BANP: variants seen among roughly 807,000 people sequenced by gnomAD.
BANP encodes the protein BTG3 associated nuclear protein, also known as protein BANP.
Under a neutral mutation model 68.1 loss-of-function variants are expected in BANP, and 11 were observed. The observed-to-expected ratio is 0.16, with a 90% CI of 0.10 to 0.27. The LOEUF (loss-of-function observed/expected upper bound fraction) is 0.27. BANP is among the 10% of genes least tolerant of loss of function. The pLI is 1.00. For synonymous variants in BANP, 329 were observed against 303.2 expected (o/e 1.09, Z -0.88); for missense variants, 504 against 722.7 (o/e 0.70, Z 3.47).
chr16:88,037,701 G>A, intron 10 of BANP: 2 of 484,766 alleles, frequency 4.1e-6, no homozygotes, highest in Non-Finnish European at 7.4e-6. Flanking sequence ...AAAAAATGAA[G>A]TAAAAATGAC....
upstream of BANP, chr16:87,949,612 G>C (rs2056620284): frequency 6.6e-6 from 1 of 152,142 alleles, no homozygotes; most frequent in Non-Finnish European, 1.5e-5. Context: ...AAAAGGACAA[G>C]TCCCATCTTC....
chr16:88,008,795 G>A (rs1229874245), intron 6 of BANP, among the ~76,000 whole-genome samples: 1 of 152,190 alleles, frequency 6.6e-6, no homozygotes, highest in Admixed American at 6.5e-5. Flanking sequence ...GTACAACACA[G>A]GTTGTTAGGA....
At chr16:87,988,512 G>A (rs1402316888) in intron 4 of BANP, among the ~76,000 whole-genome samples, 4 of 151,872 alleles carry the variant, frequency 2.6e-5, no homozygotes, top group African/African-American at 4.8e-5. Flanking sequence ...TGATCCACCC[G>A]CCTCGGCCTC....
At chr16:88,010,413 G>A (rs1178641729) in intron 6 of BANP, among the ~76,000 whole-genome samples, 1 of 152,208 alleles carries the variant, frequency 6.6e-6, no homozygotes, top group Admixed American at 6.5e-5. Context: ...GACTTCCCAG[G>A]CAGTAGAATG....
intron 13 of BANP, among the ~76,000 whole-genome samples, chr16:88,075,510 TA>T (rs1319960825): frequency 6.6e-6 from 1 of 152,066 alleles, no homozygotes; most frequent in African/African-American, 2.4e-5. Flanking sequence ...CTCTAAAAAA[TA>T]AAATGAAGCA....
At chr16:88,053,115 C>T (rs1598904673) in intron 11 of BANP, among the ~76,000 whole-genome samples, 1 of 152,218 alleles carries the variant, frequency 6.6e-6, no homozygotes, top group South Asian at 2.1e-4. Flanking sequence ...CCACCCCCAC[C>T]TCCACCACTG....
At chr16:87,989,969 G>A (rs2065512653) in intron 4 of BANP, among the ~76,000 whole-genome samples, 1 of 152,086 alleles carries the variant, frequency 6.6e-6, no homozygotes, top group East Asian at 1.9e-4. Flanking sequence ...AGGCCCGCGT[G>A]GCTGCGCGCA....
intron 6 of BANP, among the ~76,000 whole-genome samples, chr16:88,014,069 G>A (rs2073907468): frequency 6.6e-6 from 1 of 152,238 alleles, no homozygotes; most frequent in Non-Finnish European, 1.5e-5. Flanking sequence ...CAGGCCAGGT[G>A]GCCTTGGGGT....
chr16:88,040,472 C>G (rs1427546070), intron 11 of BANP, among the ~76,000 whole-genome samples: 1 of 152,058 alleles, frequency 6.6e-6, no homozygotes. Flanking sequence ...CCTCCCCGTC[C>G]CCATGCCTAC....
Position 88,006,195 on chromosome 16 carries a change from G to C in BANP, c.585G>C (p.Val195=), listed in dbSNP as rs757140286. ...GESGSEASDS[V]SSCGQAGSQS... ...GCGGCTCGGAGGCCAGCGACTCTGT[G>C]TCCAGCTGTGGGCAGGCGGGCAGTC... Residue 195 remains valine, a synonymous_variant, in exon 6 of 14, where the codon GTG becomes GTC. Coordinates refer to ENST00000682872, the MANE Select transcript of BANP (RefSeq NM_001386991.1). 21 of 1,613,718 alleles carry C rather than the reference G, an allele frequency of 1.3e-5. 1 individual carries two copies. The highest frequency in any genetic ancestry group is 1.8e-5 in the Non-Finnish European group (21 of 1,179,920).
At chr16:88,021,587 C>T (rs1004042741) in intron 7 of BANP, among the ~76,000 whole-genome samples, 4 of 152,200 alleles carry the variant, frequency 2.6e-5, no homozygotes, top group African/African-American at 4.8e-5. Context: ...ATTGCTGAAA[C>T]GTAAAAAGCA....
intron 10 of BANP, 75 bp downstream of exon 10, chr16:88,035,469 A>G: frequency 7.2e-7 from 1 of 1,388,670 alleles, no homozygotes; most frequent in Non-Finnish European, 1.0e-6. Flanking sequence ...TCGGTGTCAC[A>G]GTGCGAGGGC....
intron 8 of BANP, among the ~76,000 whole-genome samples, chr16:88,028,104 G>T (rs1198227726): frequency 6.6e-6 from 1 of 152,250 alleles, no homozygotes; most frequent in Admixed American, 6.5e-5. Context: ...TGCCTCTCAG[G>T]CATCGCTGGG....
At chr16:88,026,512 G>T (rs1005626394) in intron 7 of BANP, among the ~76,000 whole-genome samples, 2 of 152,208 alleles carry the variant, frequency 1.3e-5, no homozygotes, top group African/African-American at 4.8e-5. Flanking sequence ...TTTATGAGGG[G>T]GACAGAGTAA....
At chr16:87,994,709 A>G (rs113761734) in intron 4 of BANP, among the ~76,000 whole-genome samples, 2,066 of 152,232 alleles carry the variant, frequency 0.014, 44 homozygotes, top group African/African-American at 0.046. Flanking sequence ...CTGAGGTGGG[A>G]GGATCATCTG....
Position 87,999,249 on chromosome 16 carries a change from T to G in BANP, c.363-5046T>G, listed in dbSNP as rs1205765439. Among the ~76,000 whole-genome samples the G allele has an allele frequency of 5.7e-4, 72 of 125,410 alleles. 1 individual carries two copies. Among genetic ancestry groups the G allele is most frequent in the Middle Eastern group, 6.8e-3 (1 of 148 alleles). 82.3% of individuals were successfully genotyped at this position (125,410 alleles called of 152,430 possible). ...CTCCATGCACGCACGTGCGCGGCTGTACTTACCTGTCCTTCCAGACACGTC... is the reference window on the plus strand; with the variant it reads ...CTCCATGCACGCACGTGCGCGGCTGGACTTACCTGTCCTTCCAGACACGTC... On this transcript the variant is annotated intron_variant, in intron 4 of 13. Coordinates refer to ENST00000682872, the MANE Select transcript of BANP (RefSeq NM_001386991.1).
chr16:87,968,517 T>G (rs2060528029), intron 1 of BANP, among the ~76,000 whole-genome samples: 1 of 151,470 alleles, frequency 6.6e-6, no homozygotes, highest in African/African-American at 2.4e-5. Context: ...GTTTATCCCT[T>G]TAATAATCTT....
intron 11 of BANP, among the ~76,000 whole-genome samples, chr16:88,053,387 C>G (rs994512251): frequency 5.3e-5 from 8 of 151,308 alleles, no homozygotes; most frequent in African/African-American, 2.0e-4. Flanking sequence ...ACCTCCTTCA[C>G]TATCATCACC....
intron 11 of BANP, among the ~76,000 whole-genome samples, chr16:88,062,194 G>C (rs1412019674): frequency 6.6e-6 from 1 of 152,164 alleles, no homozygotes; most frequent in African/African-American, 2.4e-5. Flanking sequence ...AAGGCATGGG[G>C]GGTGGGGTTC....
Sources: allele counts gnomAD v4.1 joint callset (sites outside exome capture counted in the v4.1 genomes callset), GRCh38; gene constraint gnomAD v4.1.1; transcripts MANE v1.5; gene names NCBI Gene and HGNC (gene_info 2026-07-23, HGNC 2026-07-21).